Variants in WDR72 observed in about 807,000 individuals in gnomAD.
The protein encoded by WDR72 is WD repeat domain 72.
A neutral mutation model predicts 124.2 loss-of-function variants in WDR72; 120 were observed. That is an observed-to-expected ratio of 0.97 (90% CI 0.83 to 1.12). The LOEUF is 1.12. Ranked by LOEUF, WDR72 falls within the 50% of genes most tolerant of loss-of-function variation. WDR72 has a pLI of 0.00. For synonymous variants in WDR72, 452 were observed against 441.7 expected (o/e 1.02, Z -0.29); for missense variants, 1,387 against 1,278.8 (o/e 1.08, Z -1.29).
Position 53,594,863 on chromosome 15 carries a change from A to G in WDR72, c.3148+2216T>C, listed in dbSNP as rs145551119. ...ATGAAAGTATAAAAACATTTCCTGT[A>G]ATTTTACTAAGTTCTTGTGAATAGT... is the stretch of plus-strand genomic sequence containing the variant. On this transcript the variant is annotated intron_variant, in intron 18 of 19. Coordinates refer to ENST00000360509, the MANE Select transcript of WDR72 (RefSeq NM_182758.4). 7.4e-3 allele frequency among the ~76,000 whole-genome samples: 1,112 copies of G among 149,384 alleles called. 1 individual carries two copies. The highest frequency in any genetic ancestry group is 0.011 in the Non-Finnish European group (751 of 67,614).
intron 14 of WDR72, among the ~76,000 whole-genome samples, chr15:53,631,816 G>A (rs530235068): frequency 6.6e-6 from 1 of 152,284 alleles, no homozygotes; most frequent in African/African-American, 2.4e-5. Flanking sequence ...GTGGAAGAAA[G>A]TTCTAAGGAT....
rs1342428494 is a variant in WDR72, at chr15:53,665,777, C to T, written c.1766-9G>A. 1 of 1,613,076 alleles carries T rather than the reference C, an allele frequency of 6.2e-7. No individual in the cohort carries two copies. Among genetic ancestry groups the T allele is most frequent in the East Asian group, 2.2e-5 (1 of 44,854 alleles). On this transcript the variant is annotated splice_polypyrimidine_tract_variant and intron_variant, in intron 13 of 19. Coordinates refer to ENST00000360509, the MANE Select transcript of WDR72 (RefSeq NM_182758.4). ...ATGTCTTTCCAAAGTGCCTGGAAAA[C>T]AAGATTAGAGGTAAAAATGTCAGGA...
At chr15:53,736,720 T>A (rs690487) in intron 1 of WDR72, among the ~76,000 whole-genome samples, 42,032 of 151,846 alleles carry the variant, frequency 0.28, 6,541 homozygotes, top group African/African-American at 0.42. Flanking sequence ...TAAGCAGGAT[T>A]TTCACATATT....
chr15:53,580,686 C>T (rs192461822), intron 18 of WDR72, among the ~76,000 whole-genome samples: 211 of 151,968 alleles, frequency 1.4e-3, no homozygotes, highest in Admixed American at 2.5e-3. Flanking sequence ...AAGACAACAG[C>T]TCACGTTACC....
At chr15:53,661,547 T>C (rs1378918483) in intron 14 of WDR72, among the ~76,000 whole-genome samples, 1 of 152,104 alleles carries the variant, frequency 6.6e-6, no homozygotes, top group Non-Finnish European at 1.5e-5. Flanking sequence ...CAACGTAAGG[T>C]TGGAGAGGTT....
chr15:53,635,473 C>T (rs1394515325), intron 14 of WDR72, among the ~76,000 whole-genome samples: 1 of 152,132 alleles, frequency 6.6e-6, no homozygotes, highest in Non-Finnish European at 1.5e-5. Context: ...TTCCTATTCT[C>T]CTTGGGTGGG....
In WDR72 at chr15:53,742,505, G is replaced by T. The variant is rs1047892616; in HGVS notation, c.-12-9344C>A. 3.3e-5 allele frequency among the ~76,000 whole-genome samples: 5 copies of T among 151,910 alleles called. No individual in the cohort carries two copies. In the East Asian group the frequency reaches 9.7e-4, roughly 29 times the overall value. On this transcript the variant is annotated intron_variant, in intron 1 of 19. Transcript: ENST00000360509. The stretch of plus-strand genomic sequence containing the variant: ...ATTTGAGTACCTGAATGATATTTTG[G>T]GTGTCTAAAGCAAGCTGGTAGGATT...
chr15:53,617,321 C>G (rs2013808919), intron 14 of WDR72, among the ~76,000 whole-genome samples: 1 of 151,194 alleles, frequency 6.6e-6, no homozygotes, highest in African/African-American at 2.4e-5. Context: ...GGATATGAAC[C>G]AAAATGTTAA....
chr15:53,601,333 C>T (rs2013035553), intron 17 of WDR72, among the ~76,000 whole-genome samples: 1 of 152,130 alleles, frequency 6.6e-6, no homozygotes, highest in South Asian at 2.1e-4. Context: ...ACCACCGGAC[C>T]TGTCTTAGAA....
rs1335979593 is a variant in WDR72 at position 53,706,398 on chromosome 15, C to A, written c.955-324G>T. ...TATATATATATATATATATATATGG[C>A]TATGTGTACACATTACTGCAAGGGG... On this transcript the variant is annotated intron_variant, in intron 9 of 19. Transcript: ENST00000360509. Among the ~76,000 whole-genome samples, 622 of 113,632 alleles carry A rather than the reference C, an allele frequency of 5.5e-3. 1 individual carries two copies. The highest frequency in any genetic ancestry group is 7.8e-3 in the Non-Finnish European group (434 of 55,618). 74.5% of individuals were successfully genotyped at this position (113,632 alleles called of 152,430 possible).
chr15:53,710,305 C>G (rs2675336), intron 9 of WDR72, among the ~76,000 whole-genome samples: 57,834 of 151,918 alleles, frequency 0.38, 12,385 homozygotes, highest in Middle Eastern at 0.6. Context: ...CCATTTATCA[C>G]AAGGGTCAGT....
chr15:53,737,525 C>A (rs534287259), intron 1 of WDR72, among the ~76,000 whole-genome samples: 16 of 152,082 alleles, frequency 1.1e-4, no homozygotes, highest in African/African-American at 3.1e-4. Flanking sequence ...TAATACTGGA[C>A]AAAATGGGCT....
At chr15:53,644,602 TG>T (rs1459579719) in intron 14 of WDR72, among the ~76,000 whole-genome samples, 2 of 149,718 alleles carry the variant, frequency 1.3e-5, no homozygotes, top group Non-Finnish European at 2.9e-5. Flanking sequence ...AAACCATTGG[TG>T]GAATAATAGG....
chr15:53,584,860 G>C (rs962421701), intron 18 of WDR72, among the ~76,000 whole-genome samples: 3 of 151,894 alleles, frequency 2.0e-5, no homozygotes, highest in Admixed American at 2.0e-4. Flanking sequence ...TGCCCTTCTT[G>C]CATCAAGCCC....
intron 18 of WDR72, among the ~76,000 whole-genome samples, chr15:53,546,738 C>T (rs1208011862): frequency 6.7e-6 from 1 of 149,744 alleles, no homozygotes; most frequent in Non-Finnish European, 1.5e-5. Context: ...ACAAACAAAC[C>T]ACTAACAAAT....
At chr15:53,533,300 A>G (rs1481089015) in intron 18 of WDR72, among the ~76,000 whole-genome samples, 3 of 152,168 alleles carry the variant, frequency 2.0e-5, no homozygotes, top group African/African-American at 4.8e-5. Context: ...AAATCTGAAG[A>G]AGAGTATATT....
chr15:53,722,534 G>A (rs1212441239), intron 3 of WDR72, among the ~76,000 whole-genome samples: 5 of 152,200 alleles, frequency 3.3e-5, no homozygotes. Flanking sequence ...CACCCAGTAA[G>A]AGTGCTACAA....
In WDR72 at chr15:53,705,214, G is replaced by T; in HGVS notation, c.1122C>A (p.Thr374=). 6.2e-7 allele frequency: 1 copy of T among 1,613,572 alleles called. No homozygotes were observed. Among genetic ancestry groups the T allele is most frequent in the Non-Finnish European group, 8.5e-7 (1 of 1,179,988 alleles). Residue 374 remains threonine, a synonymous_variant, in exon 11 of 20, where the codon ACC becomes ACA. Coordinates refer to ENST00000360509, the MANE Select transcript of WDR72 (RefSeq NM_182758.4). The stretch of plus-strand genomic sequence containing the variant: ...TATCAAAATTATCTTGAAGAGTCCA[G>T]GTGGCAGTTACTGGTATCTCTAAAA... ...GSPREIPVTA[T]WTLQDNFDKH... is the part of the protein sequence containing the mutation.
At chr15:53,734,004 T>C (rs946898036) in intron 1 of WDR72, among the ~76,000 whole-genome samples, 1 of 152,222 alleles carries the variant, frequency 6.6e-6, no homozygotes, top group African/African-American at 2.4e-5. Context: ...GGGCCAAGCA[T>C]ACTTCCCACA....
Sources: allele counts gnomAD v4.1 joint callset (sites outside exome capture counted in the v4.1 genomes callset), GRCh38; gene constraint gnomAD v4.1.1; transcripts MANE v1.5; gene names NCBI Gene and HGNC (gene_info 2026-07-23, HGNC 2026-07-21).